The following SCN11A variants were observed in gnomAD, a reference collection of about 807,000 sequenced individuals.
SCN11A encodes the protein sodium voltage-gated channel alpha subunit 11, also known as sodium channel protein type 11 subunit alpha.
In SCN11A, 122 loss-of-function variants were observed where a neutral mutation model predicts 162.2. The ratio of observed to expected loss-of-function variants is 0.75; its 90% CI spans 0.65 to 0.87. The LOEUF (loss-of-function observed/expected upper bound fraction) is 0.87, where lower values mean the gene tolerates loss of function less well. SCN11A is among the 40% of genes least tolerant of loss of function. SCN11A has a pLI of 0.00. For synonymous variants in SCN11A, 758 were observed against 751.5 expected (o/e 1.01, Z -0.14); for missense variants, 2,015 against 2,181.6 (o/e 0.92, Z 1.52).
chr3:38,913,510 T>C (rs558492937), intron 11 of SCN11A, among the ~76,000 whole-genome samples: 203 of 152,348 alleles, frequency 1.3e-3, no homozygotes, highest in African/African-American at 4.8e-3. Context: ...TTAGATCCCA[T>C]TTGTCAAATT....
intron 19 of SCN11A, 56 bp downstream of exon 19, chr3:38,894,477 C>T: frequency 7.1e-7 from 1 of 1,402,718 alleles, no homozygotes; most frequent in South Asian, 1.4e-5. Flanking sequence ...GCTACCAGTG[C>T]CCTGTGATAA....
chr3:38,925,479 G>C lies in SCN11A; in HGVS notation c.648C>G (p.Ile216Met), dbSNP rs1189932072. 7.4e-6 allele frequency: 12 copies of C among 1,613,520 alleles called. No individual in the cohort carries two copies. The highest frequency in any genetic ancestry group is 7.6e-6 in the Non-Finnish European group (9 of 1,179,570). The change falls in exon 9 of 30, where the codon ATC (isoleucine) becomes ATG (methionine). Residue 216 changes from isoleucine (I) to methionine (M), a missense_variant. Physicochemically the swap from Ile to Met is conservative, Grantham distance 10. Coordinates refer to ENST00000302328, the MANE Select transcript of SCN11A (RefSeq NM_001349253.2). Reference protein sequence around the residue: ...AIVSYIPGITIKLLPLRTFRV... With the variant: ...AIVSYIPGITMKLLPLRTFRV... The stretch of plus-strand genomic sequence containing the variant: ...GGAAGGTACGCAGGGGCAATAGTTT[G>C]ATGGTGATTCCTGGAATATATGACA...
intron 7 of SCN11A, among the ~76,000 whole-genome samples, chr3:38,941,936 A>C (rs185690643): frequency 6.6e-6 from 1 of 152,178 alleles, no homozygotes; most frequent in Admixed American, 6.5e-5. Flanking sequence ...AAAAGCAAAA[A>C]CCAACTATAT....
intron 11 of SCN11A, among the ~76,000 whole-genome samples, chr3:38,913,841 A>C (rs1026084241): frequency 6.6e-6 from 1 of 152,072 alleles, no homozygotes; most frequent in South Asian, 2.1e-4. Flanking sequence ...TATTCTGTAC[A>C]TTGATCTATA....
At chr3:38,889,743 T>G (rs907028308) in intron 19 of SCN11A, among the ~76,000 whole-genome samples, 1 of 151,052 alleles carries the variant, frequency 6.6e-6, no homozygotes, top group African/African-American at 2.4e-5. Context: ...GAGCTTGCAG[T>G]GAGCGGAGAT....
intron 17 of SCN11A, among the ~76,000 whole-genome samples, chr3:38,898,926 C>A (rs942146129): frequency 9.2e-5 from 14 of 152,002 alleles, no homozygotes; most frequent in African/African-American, 3.4e-4. Flanking sequence ...TAAGCCTAAA[C>A]AATGATAAAG....
chr3:38,940,702 T>C lies in SCN11A; in HGVS notation c.488+4709A>G, dbSNP rs532887171. Among the ~76,000 whole-genome samples, 12 of 152,262 alleles carry C rather than the reference T, an allele frequency of 7.9e-5. No homozygotes were observed. In the South Asian group the frequency reaches 2.5e-3, roughly 32 times the overall value. Reference sequence around the variant, plus strand: ...TTTAAATTTTTAAAAAAGGAAACTATAAAAGCACTGTAAGAAAATATGAGA... The same window carrying C: ...TTTAAATTTTTAAAAAAGGAAACTACAAAAGCACTGTAAGAAAATATGAGA... On this transcript the variant is annotated intron_variant, in intron 7 of 29. Coordinates refer to ENST00000302328, the MANE Select transcript of SCN11A (RefSeq NM_001349253.2).
intron 5 of SCN11A, among the ~76,000 whole-genome samples, chr3:38,948,664 A>T (rs1251518768): frequency 6.6e-6 from 1 of 152,204 alleles, no homozygotes; most frequent in Non-Finnish European, 1.5e-5. Flanking sequence ...GTCATGTGAG[A>T]TCATGGGTGT....
intron 2 of SCN11A, among the ~76,000 whole-genome samples, chr3:38,984,756 C>T (rs1312061952): frequency 2.0e-5 from 3 of 152,148 alleles, no homozygotes; most frequent in African/African-American, 7.2e-5. Context: ...GGTGATCCGC[C>T]CACCTTGGCC....
Position 38,846,618 on chromosome 3 carries a change from C to T in SCN11A, c.*76G>A. ...GGTGAATCCACTCCCTGTTGATACA[C>T]TAAGCTGCTGACCCCTGGAGCTCAG... On this transcript the variant is annotated 3_prime_UTR_variant, in exon 30 of 30. Coordinates refer to ENST00000302328, the MANE Select transcript of SCN11A (RefSeq NM_001349253.2). 8.5e-7 allele frequency: 1 copy of T among 1,171,268 alleles called. No individual in the cohort carries two copies. Among genetic ancestry groups the T allele is most frequent in the South Asian group, 1.3e-5 (1 of 74,540 alleles). 72.6% of individuals were successfully genotyped at this position (1,171,268 alleles called of 1,614,324 possible). A position where few individuals can be genotyped will look rare whatever the true frequency, so the allele number is the denominator to read the frequency against.
At chr3:38,876,997 TAGAG>T (rs1464162083) in intron 23 of SCN11A, among the ~76,000 whole-genome samples, 3 of 147,722 alleles carry the variant, frequency 2.0e-5, no homozygotes, top group East Asian at 1.9e-4. Flanking sequence ...GATATATATA[TAGAG>T]AGAGAAAGAG....
At chr3:38,935,796 G>A in intron 7 of SCN11A, among the ~76,000 whole-genome samples, 1 of 152,188 alleles carries the variant, frequency 6.6e-6, no homozygotes, top group East Asian at 1.9e-4. Flanking sequence ...GAGGTACAAG[G>A]AGGAACTGGT....
At chr3:38,894,506 T>A in intron 19 of SCN11A, 27 bp downstream of exon 19, 1 of 1,556,806 alleles carries the variant, frequency 6.4e-7, no homozygotes, top group Non-Finnish European at 8.7e-7. Context: ...TTGTATGACC[T>A]TTAAGTCTAT....
chr3:38,990,276 C>T (rs1287654181), intron 2 of SCN11A, among the ~76,000 whole-genome samples: 2 of 152,108 alleles, frequency 1.3e-5, no homozygotes, highest in African/African-American at 4.8e-5. Context: ...GCCCCGGGCT[C>T]CCTGCTGCAT....
intron 21 of SCN11A, among the ~76,000 whole-genome samples, chr3:38,884,791 G>A (rs1167473688): frequency 6.6e-6 from 1 of 152,208 alleles, no homozygotes; most frequent in South Asian, 2.1e-4. Context: ...ACAACTCTTT[G>A]CTTTGGATAC....
chr3:39,042,538 A>G (rs1051927547), intron 1 of SCN11A, among the ~76,000 whole-genome samples: 2 of 152,218 alleles, frequency 1.3e-5, no homozygotes, highest in African/African-American at 4.8e-5. Context: ...ATCAAGGTGA[A>G]GAGACAACAC....
At chr3:39,001,760 C>A (rs531654400) in intron 2 of SCN11A, among the ~76,000 whole-genome samples, 1 of 152,148 alleles carries the variant, frequency 6.6e-6, no homozygotes, top group East Asian at 1.9e-4. Context: ...ATTGGCCGGG[C>A]GCAGTGGCTC....
chr3:38,908,259 A>G (rs2065832574), intron 13 of SCN11A, 137 bp from the exon 14 acceptor site: 1 of 723,750 alleles, frequency 1.4e-6, no homozygotes, highest in Non-Finnish European at 2.3e-6. Flanking sequence ...ATCTACCTGG[A>G]CTACGCTAGC....
Position 38,897,053 on chromosome 3 carries a change from C to T in SCN11A, c.2195G>A (p.Ser732Asn). 1.2e-6 allele frequency: 2 copies of T among 1,614,082 alleles called. No individual in the cohort carries two copies. Among genetic ancestry groups the T allele is most frequent in the South Asian group, 1.1e-5 (1 of 91,078 alleles). Residue 732 changes from serine (S) to asparagine (N), a missense_variant, in exon 18 of 30, where the codon AGT (serine) becomes AAT (asparagine). Physicochemically the swap from Ser to Asn is conservative, Grantham distance 46. Coordinates refer to ENST00000302328, the MANE Select transcript of SCN11A (RefSeq NM_001349253.2). ...GCCTGTCGGGTTACAGAGTTTTGGA[C>T]TCTTTTGGGAATTGAAGCTACGGCC... Reference protein sequence around the residue: ...LFGRSFNSQKSPKLCNPTGPT... With the variant: ...LFGRSFNSQKNPKLCNPTGPT...
Sources: allele counts gnomAD v4.1 joint callset (sites outside exome capture counted in the v4.1 genomes callset), GRCh38; gene constraint gnomAD v4.1.1; transcripts MANE v1.5; gene names NCBI Gene and HGNC (gene_info 2026-07-23, HGNC 2026-07-21).